The following RYR2 variants were observed in gnomAD, a reference collection of about 807,000 sequenced individuals.
RYR2 encodes cardiac muscle ryanodine receptor-calcium release channel.
RYR2 carries 227 observed loss-of-function variants against 601.1 expected under a neutral mutation model. That is an observed-to-expected ratio of 0.38 (90% CI 0.34 to 0.42). The LOEUF is 0.42. RYR2 is among the 10% of genes least tolerant of loss of function. RYR2 has a pLI of 1.00. For synonymous variants in RYR2, 2,223 were observed against 2,175.1 expected, an observed-to-expected ratio of 1.02 and a Z score of -0.61; for missense variants, 4,646 against 6,156.5, an observed-to-expected ratio of 0.75 and a Z score of 8.21.
rs1294216375 is a variant in RYR2, at chr1:237,614,176, C to G, written c.5048C>G (p.Pro1683Arg). The change falls in exon 37 of 105, where the codon CCT becomes CGT. Residue 1683 changes from proline (P) to arginine (R), a missense_variant. Coordinates refer to ENST00000366574, the MANE Select transcript of RYR2 (RefSeq NM_001035.3). This position sits in a 1 kb window ranked among gnomAD's most constrained non-coding sequence, Gnocchi z 4.3. Reference protein sequence around the residue: ...AHALCSHVDEPQLLYAIENKY... With the variant: ...AHALCSHVDERQLLYAIENKY... ...GCCCTGTGCAGCCATGTGGATGAAC[C>G]TCAGCTCCTCTATGCCATTGAGAAC... 6.2e-7 allele frequency: 1 copy of G among 1,614,026 alleles called. No individual in the cohort carries two copies. Among genetic ancestry groups the G allele is most frequent in the South Asian group, 1.1e-5 (1 of 91,086 alleles).
chr1:237,228,137 C>T (rs567423773), intron 1 of RYR2, among the ~76,000 whole-genome samples: 2 of 152,108 alleles, frequency 1.3e-5, no homozygotes, highest in Admixed American at 1.3e-4. Flanking sequence ...CCCACCCTTT[C>T]CCCACAAGTC....
intron 1 of RYR2, among the ~76,000 whole-genome samples, chr1:237,051,693 A>T (rs1171917237): frequency 6.6e-6 from 1 of 152,134 alleles, no homozygotes; most frequent in African/African-American, 2.4e-5. Flanking sequence ...TGTTCTAAGC[A>T]TTGCATGTGT....
intron 27 of RYR2, among the ~76,000 whole-genome samples, chr1:237,556,780 C>G (rs887884449): frequency 6.8e-6 from 1 of 147,438 alleles, no homozygotes; most frequent in East Asian, 2.0e-4. Flanking sequence ...AGTCATAACA[C>G]AGGGGGTTTA....
intron 103 of RYR2, among the ~76,000 whole-genome samples, chr1:237,831,275 T>TATACACACAA: frequency 6.6e-6 from 1 of 152,210 alleles, no homozygotes; most frequent in East Asian, 1.9e-4. Context: ...GTTGATTTGA[T>TATACACACAA]TCTGACCAGT....
intron 2 of RYR2, among the ~76,000 whole-genome samples, chr1:237,319,091 T>A (rs1263925001): frequency 6.6e-6 from 1 of 152,178 alleles, no homozygotes; most frequent in African/African-American, 2.4e-5. Context: ...TTGAACCTCT[T>A]TAGTATATTT....
intron 12 of RYR2, among the ~76,000 whole-genome samples, chr1:237,429,891 G>A (rs1489848018): frequency 6.6e-6 from 1 of 151,782 alleles, no homozygotes; most frequent in Non-Finnish European, 1.5e-5. Flanking sequence ...CCAAAAAAAT[G>A]GAAAAGTCAC....
intron 1 of RYR2, among the ~76,000 whole-genome samples, chr1:237,268,488 G>T (rs1468809288): frequency 6.6e-6 from 1 of 152,204 alleles, no homozygotes; most frequent in South Asian, 2.1e-4. Flanking sequence ...TATTTTTTTA[G>T]CAGATTATTT....
chr1:237,194,202 T>C (rs1176774153), intron 1 of RYR2, among the ~76,000 whole-genome samples: 4 of 152,214 alleles, frequency 2.6e-5, no homozygotes. Context: ...TTCCTTGGCT[T>C]CTACTGATTT....
intron 17 of RYR2, among the ~76,000 whole-genome samples, chr1:237,485,299 C>T (rs528563916): frequency 4.9e-4 from 74 of 151,972 alleles, no homozygotes; most frequent in African/African-American, 1.6e-3. Flanking sequence ...ATGTGAGAAC[C>T]AACAGTCCAT....
intron 56 of RYR2, among the ~76,000 whole-genome samples, chr1:237,663,223 T>G (rs1683969222): frequency 6.6e-6 from 1 of 152,254 alleles, no homozygotes; most frequent in African/African-American, 2.4e-5. Flanking sequence ...GTTACTTGCC[T>G]TATAGCATTT....
chr1:237,307,442 A>G (rs960478513), intron 2 of RYR2, among the ~76,000 whole-genome samples: 1 of 152,222 alleles, frequency 6.6e-6, no homozygotes, highest in Non-Finnish European at 1.5e-5. Flanking sequence ...TTTTTATAGT[A>G]TGAGATAGTC....
intron 101 of RYR2, among the ~76,000 whole-genome samples, chr1:237,825,913 A>C: frequency 6.6e-6 from 1 of 152,220 alleles, no homozygotes; most frequent in Non-Finnish European, 1.5e-5. Flanking sequence ...AAACATATGA[A>C]AAATAGGTCA....
intron 53 of RYR2, 55 bp from the exon 54 acceptor site, chr1:237,657,889 G>T: frequency 1.0e-6 from 1 of 961,076 alleles, no homozygotes; most frequent in South Asian, 1.6e-5. Context: ...TTATTAATAT[G>T]ATTTCCTGTA....
At chr1:237,795,385 A>C (rs1229973926) in intron 96 of RYR2, 54 bp downstream of exon 96, 1 of 849,322 alleles carries the variant, frequency 1.2e-6, no homozygotes, top group Non-Finnish European at 1.9e-6. Flanking sequence ...TTAGATTTTT[A>C]TTTGATGTGA....
intron 98 of RYR2, among the ~76,000 whole-genome samples, chr1:237,804,508 A>G (rs989082539): frequency 2.0e-5 from 3 of 151,990 alleles, no homozygotes; most frequent in Non-Finnish European, 4.4e-5. Context: ...CACTAGCAAA[A>G]CATTCCTTAT....
chr1:237,592,614 C>T (rs1675333320), intron 32 of RYR2, among the ~76,000 whole-genome samples: 1 of 145,204 alleles, frequency 6.9e-6, no homozygotes, highest in African/African-American at 2.5e-5. Context: ...GCCTGGGTGA[C>T]AGAGTAAGAC....
chr1:237,253,381 G>A (rs1687663130), intron 1 of RYR2, among the ~76,000 whole-genome samples: 1 of 152,148 alleles, frequency 6.6e-6, no homozygotes, highest in African/African-American at 2.4e-5. Flanking sequence ...GGCTCTTTTT[G>A]TACAACCACA....
rs2149266209 is a variant in RYR2 at position 237,757,680 on chromosome 1, T to C, written c.11246-17T>C. ...GGCGAAATGATATAAGGAACACTAC[T>C]TTTTTATATTTCTTAGGTGAAACTG... On this transcript the variant is annotated splice_polypyrimidine_tract_variant and intron_variant, in intron 81 of 104. Coordinates refer to ENST00000366574, the MANE Select transcript of RYR2 (RefSeq NM_001035.3). 1 of 1,556,524 alleles carries C rather than the reference T, an allele frequency of 6.4e-7. No individual in the cohort carries two copies. Among genetic ancestry groups the C allele is most frequent in the Non-Finnish European group, 8.9e-7 (1 of 1,127,996 alleles).
intron 21 of RYR2, 77 bp downstream of exon 21, chr1:237,500,980 G>T: frequency 7.5e-7 from 1 of 1,332,854 alleles, no homozygotes; most frequent in Non-Finnish European, 1.1e-6. Context: ...CACTGCCATT[G>T]CCCTTCTTCT....
Sources: gnomAD v4.1 joint callset for allele counts (sites outside exome capture counted in the v4.1 genomes callset) on GRCh38, gnomAD v4.1.1 for gene constraint, Gnocchi (gnomAD v3.1) non-coding constraint, MANE v1.5 for transcripts, NCBI Gene and HGNC (gene_info 2026-07-23, HGNC 2026-07-21) for gene names.